DLGAP4: variants seen among roughly 807,000 people sequenced by gnomAD.
DLGAP4 encodes disks large-associated protein 4.
In DLGAP4, 18 loss-of-function variants were observed where a neutral mutation model predicts 86.9. The observed-to-expected ratio is 0.21, with a 90% CI of 0.14 to 0.31. The LOEUF is 0.31. Ranked by LOEUF, DLGAP4 falls within the 10% of genes least tolerant of loss-of-function variation. The pLI is 1.00. For missense variants in DLGAP4, 1,085 were observed against 1,362.6 expected (o/e 0.80, Z 3.21); for synonymous variants, 548 against 574.3 (o/e 0.95, Z 0.65).
At chr20:36,479,963 G>A (rs939504787) in intron 7 of DLGAP4, among the ~76,000 whole-genome samples, 3 of 152,130 alleles carry the variant, frequency 2.0e-5, no homozygotes, top group Non-Finnish European at 2.9e-5. Context: ...GAGATGTTTA[G>A]GCTCCTCAGG....
intron 2 of DLGAP4, among the ~76,000 whole-genome samples, chr20:36,401,197 C>G (rs1379272219): frequency 1.3e-5 from 2 of 152,230 alleles, no homozygotes; most frequent in East Asian, 1.9e-4. Context: ...TATGCCTGTT[C>G]CGAGAAACCA....
At chr20:36,435,078 TG>T (rs113537390) in intron 3 of DLGAP4, among the ~76,000 whole-genome samples, 3,267 of 148,036 alleles carry the variant, frequency 0.022, 130 homozygotes, top group African/African-American at 0.077. Flanking sequence ...TGCATACTTG[TG>T]GGGGGGGGTT....
chr20:36,435,854 C>A (rs979452129), intron 3 of DLGAP4, among the ~76,000 whole-genome samples: 20 of 152,138 alleles, frequency 1.3e-4, no homozygotes, highest in African/African-American at 4.6e-4. Context: ...GACCACAGGG[C>A]CTAGGGCATT....
intron 10 of DLGAP4, among the ~76,000 whole-genome samples, chr20:36,521,156 T>G (rs2037355572): frequency 6.6e-6 from 1 of 152,198 alleles, no homozygotes; most frequent in Non-Finnish European, 1.5e-5. Flanking sequence ...AGTTTTGCCA[T>G]GTTGCCCAGG....
rs1213383781 is a variant in DLGAP4 at position 36,350,057 on chromosome 20, G to A, written c.-303-16988G>A. Among the ~76,000 whole-genome samples the A allele has an allele frequency of 1.3e-5, 2 of 152,186 alleles. No individual in the cohort carries two copies. The highest frequency in any genetic ancestry group is 1.9e-4 in the East Asian group (1 of 5,192). ...CAGGTGAGTGCACCAGCATCTCACA[G>A]TTCCCACATTTTTAGCCTGTGGGTC... On this transcript the variant is annotated intron_variant, in intron 1 of 12. Coordinates refer to ENST00000339266, the MANE Select transcript of DLGAP4 (RefSeq NM_001365621.2). The surrounding 1 kb of genome is among the most constrained non-coding windows in gnomAD (Gnocchi z 4.4).
chr20:36,427,283 C>T (rs528318603), intron 2 of DLGAP4, among the ~76,000 whole-genome samples: 63 of 152,188 alleles, frequency 4.1e-4, no homozygotes, highest in Non-Finnish European at 8.4e-4. Flanking sequence ...TAGAGACCAG[C>T]CTGGCCAACA....
chr20:36,436,227 T>G lies in DLGAP4; in HGVS notation c.1118T>G (p.Met373Arg). The change falls in exon 4 of 13, where the codon ATG becomes AGG. Residue 373 changes from methionine to arginine, a missense_variant. By Grantham distance (91) the Met-to-Arg change is moderately conservative. Transcript: ENST00000339266. ...CGCAGCGGCAGCTACATCAAGGCCA[T>G]GGGCGACGAGGACAGCGACGAGTCC... is the stretch of plus-strand genomic sequence containing the variant. ...RMRSGSYIKA[M>R]GDEDSDESGG... 6.2e-7 allele frequency: 1 copy of G among 1,605,442 alleles called. No individual in the cohort carries two copies. Among genetic ancestry groups the G allele is most frequent in the Non-Finnish European group, 8.5e-7 (1 of 1,179,408 alleles).
chr20:36,494,966 GTT>G (rs1176102036), intron 7 of DLGAP4, among the ~76,000 whole-genome samples: 2 of 108,734 alleles, frequency 1.8e-5, no homozygotes, highest in Non-Finnish European at 2.0e-5. Flanking sequence ...TAAAAAAGTG[GTT>G]TTTTTTTTTT....
chr20:36,484,570 G>C (rs533724476), intron 7 of DLGAP4, among the ~76,000 whole-genome samples: 1 of 152,376 alleles, frequency 6.6e-6, no homozygotes, highest in East Asian at 1.9e-4. Flanking sequence ...CTGTGTCCTG[G>C]TGCCAAGAGC....
At chr20:36,343,242 A>G (rs2065402194) in intron 1 of DLGAP4, among the ~76,000 whole-genome samples, 1 of 152,212 alleles carries the variant, frequency 6.6e-6, no homozygotes, top group Admixed American at 6.5e-5. Flanking sequence ...GGCTGCAGAC[A>G]TCGTGGCAAC....
chr20:36,424,207 C>G (rs946142625), intron 2 of DLGAP4, among the ~76,000 whole-genome samples: 2 of 152,182 alleles, frequency 1.3e-5, no homozygotes, highest in Admixed American at 6.5e-5. Flanking sequence ...AGAGGTGAAC[C>G]TCAATACAGC....
chr20:36,462,656 G>A, intron 7 of DLGAP4: 7 of 1,553,416 alleles, frequency 4.5e-6, no homozygotes, highest in Non-Finnish European at 6.1e-6. Context: ...GGCCGCGGCC[G>A]AGGCTCCATG....
chr20:36,369,443 AT>A (rs1230314093), intron 2 of DLGAP4, among the ~76,000 whole-genome samples: 2 of 152,100 alleles, frequency 1.3e-5, no homozygotes, highest in Admixed American at 6.5e-5. Context: ...AAATACAAAA[AT>A]TAGCCAGGTG....
At chr20:36,433,321 AG>A (rs922885744) in intron 3 of DLGAP4, among the ~76,000 whole-genome samples, 76 of 152,310 alleles carry the variant, frequency 5.0e-4, no homozygotes, top group African/African-American at 1.7e-3. Context: ...GCAGGGGCCC[AG>A]GGGGTCCTAA....
At chr20:36,317,539 G>C (rs1475445042) in intron 1 of DLGAP4, among the ~76,000 whole-genome samples, 10 of 139,476 alleles carry the variant, frequency 7.2e-5, no homozygotes, top group African/African-American at 2.7e-4. Context: ...CTGCAGCCTT[G>C]AACTTCTGGG....
intron 2 of DLGAP4, among the ~76,000 whole-genome samples, chr20:36,417,773 GTTT>G (rs991815088): frequency 1.6e-4 from 5 of 31,074 alleles, no homozygotes; most frequent in African/African-American, 3.9e-4. Context: ...GGTTTTTTTG[GTTT>G]TTTTTTTTTG....
chr20:36,338,116 G>C (rs1041783670), intron 1 of DLGAP4, among the ~76,000 whole-genome samples: 1 of 152,218 alleles, frequency 6.6e-6, no homozygotes, highest in Non-Finnish European at 1.5e-5. Flanking sequence ...AAGGTTGCAG[G>C]GTTGGGAGGG....
Position 36,317,223 on chromosome 20 carries a change from T to TTTCTTTCTTTC in DLGAP4, c.-304+10713_-304+10714insCTTTCTTTCTT, listed in dbSNP as rs2065109374. Reference sequence around the variant, plus strand: ...CCCTCCTTCCTTCCTTCCTCTCCTTTTTTCTTTCTTTCTTTCTTTCTTTCT... The same window carrying TTTCTTTCTTTC: ...CCCTCCTTCCTTCCTTCCTCTCCTTTTTCTTTCTTTCTTTCTTTCTTTCTTTCTTTCTTTCT... On this transcript the variant is annotated intron_variant, in intron 1 of 12. Transcript: ENST00000339266. 5.0e-4 allele frequency among the ~76,000 whole-genome samples: 47 copies of TTTCTTTCTTTC among 93,766 alleles called. 2 individuals carry two copies. The highest frequency in any genetic ancestry group is 1.8e-3 in the African/African-American group (46 of 24,928). The allele number at this position is 93,766 out of a possible 152,430, so 61.5% of individuals were successfully genotyped here.
intron 1 of DLGAP4, among the ~76,000 whole-genome samples, chr20:36,356,319 T>C (rs1262079035): frequency 6.6e-6 from 1 of 152,166 alleles, no homozygotes; most frequent in Non-Finnish European, 1.5e-5. Flanking sequence ...GTTTGTTTGT[T>C]TGTTTGTTTT....
Sources: gnomAD v4.1 joint callset for allele counts (sites outside exome capture counted in the v4.1 genomes callset) on GRCh38, gnomAD v4.1.1 for gene constraint, Gnocchi (gnomAD v3.1) non-coding constraint, MANE v1.5 for transcripts, NCBI Gene and HGNC (gene_info 2026-07-23, HGNC 2026-07-21) for gene names.